Variants in STX2 observed in about 807,000 individuals in gnomAD.
STX2 encodes syntaxin-2.
Under a neutral mutation model 40.6 loss-of-function variants are expected in STX2, and 27 were observed. That is an observed-to-expected ratio of 0.66 (90% confidence interval 0.49 to 0.92). The LOEUF is 0.92. Ranked by LOEUF, STX2 falls within the 40% of genes least tolerant of loss-of-function variation. The probability of loss-of-function intolerance (pLI) is 0.00; values close to 1 mark genes in which losing one functional copy is unlikely to be tolerated. For missense variants in STX2, 328 were observed against 366.1 expected (o/e 0.90, Z 0.85); for synonymous variants, 123 against 119.1 (o/e 1.03, Z -0.22).
intron 4 of STX2, among the ~76,000 whole-genome samples, chr12:130,809,012 G>A (rs530702794): frequency 2.0e-5 from 3 of 152,264 alleles, no homozygotes; most frequent in African/African-American, 4.8e-5. Context: ...AATTACAGGC[G>A]TGTGCCACCA....
intron 1 of STX2, among the ~76,000 whole-genome samples, chr12:130,830,879 C>T (rs1952533482): frequency 6.6e-6 from 1 of 152,158 alleles, no homozygotes; most frequent in South Asian, 2.1e-4. Context: ...TACTAAAAGC[C>T]AGGGAATACT....
At chr12:130,809,686 G>A (rs529910068) in intron 4 of STX2, among the ~76,000 whole-genome samples, 4 of 152,180 alleles carry the variant, frequency 2.6e-5, no homozygotes, top group Admixed American at 6.5e-5. Flanking sequence ...GTGTGGTGGC[G>A]GGTGCCTGTA....
rs1393865464 is a variant in STX2, at chr12:130,808,740, TAAA to T, written c.281-39_281-37del. 3.9e-6 allele frequency: 6 copies of T among 1,547,092 alleles called. No homozygotes were observed. In the Admixed American group the frequency reaches 1.1e-4, roughly 29 times the overall value. ...ATAGGAAATAATTACCTTCCAAATTTAAAAATGAAAATGTTCCAAGCCTGACTT... is the reference window on the plus strand; with the variant it reads ...ATAGGAAATAATTACCTTCCAAATTTAATGAAAATGTTCCAAGCCTGACTT... On this transcript the variant is annotated intron_variant, in intron 4 of 10. Transcript: ENST00000392373.
At chr12:130,794,644 G>A (rs755224390) in intron 10 of STX2, among the ~76,000 whole-genome samples, 29 of 152,254 alleles carry the variant, frequency 1.9e-4, no homozygotes, top group African/African-American at 5.5e-4. Flanking sequence ...CTATAGGCAC[G>A]TGTGCCACCA....
At chr12:130,801,682 C>T (rs928786049) in intron 6 of STX2, among the ~76,000 whole-genome samples, 194 bp from the exon 7 acceptor site, 2 of 152,002 alleles carry the variant, frequency 1.3e-5, no homozygotes, top group East Asian at 3.9e-4. Context: ...AAAAATACTC[C>T]GAGAAACTTT....
At chr12:130,816,136 A>G (rs1215398691) in intron 3 of STX2, among the ~76,000 whole-genome samples, 2 of 152,168 alleles carry the variant, frequency 1.3e-5, no homozygotes, top group Non-Finnish European at 2.9e-5. Flanking sequence ...AGTCGAAGCT[A>G]AAACGTACAC....
At chr12:130,821,073 G>C (rs1332871763) in intron 3 of STX2, among the ~76,000 whole-genome samples, 1 of 152,202 alleles carries the variant, frequency 6.6e-6, no homozygotes, top group Non-Finnish European at 1.5e-5. Context: ...ATACCACGGG[G>C]AAGCAAATTG....
At chr12:130,795,970 G>C (rs1951016294) in intron 10 of STX2, 25 bp downstream of exon 10, 1 of 1,587,858 alleles carries the variant, frequency 6.3e-7, no homozygotes, top group Non-Finnish European at 8.5e-7. Context: ...AAGTTAATAA[G>C]TAAATTAGTT....
chr12:130,823,529 G>A lies in STX2; in HGVS notation c.106-1741C>T, dbSNP rs183654888. ...TATAAGACGAGGCAAGGGAGCCAAC[G>A]TTGGAAGAAGGACACTTGATTGTGA... is the stretch of plus-strand genomic sequence containing the variant. On this transcript the variant is annotated intron_variant, in intron 2 of 10. Transcript: ENST00000392373. Among the ~76,000 whole-genome samples the A allele has an allele frequency of 7.4e-4, 112 of 152,338 alleles. 1 individual carries two copies. Among genetic ancestry groups the A allele is most frequent in the African/African-American group, 2.6e-3 (108 of 41,578 alleles).
At chr12:130,814,034 G>T (rs558054798) in intron 3 of STX2, among the ~76,000 whole-genome samples, 3 of 152,310 alleles carry the variant, frequency 2.0e-5, no homozygotes, top group South Asian at 2.1e-4. Flanking sequence ...TACGCAGGGT[G>T]CCCCGAGTAC....
chr12:130,800,196 A>C (rs1280004819), intron 8 of STX2, among the ~76,000 whole-genome samples: 1 of 152,190 alleles, frequency 6.6e-6, no homozygotes, highest in Admixed American at 6.5e-5. Flanking sequence ...ACAAAGAGCG[A>C]GTGTGAACAT....
intron 6 of STX2, 73 bp from the exon 7 acceptor site, chr12:130,801,561 G>C: frequency 7.0e-7 from 1 of 1,435,252 alleles, no homozygotes. Flanking sequence ...GCAACCATAA[G>C]TTAGCAACTA....
chr12:130,798,659 T>A (rs773644735), intron 8 of STX2, 24 bp from the exon 9 acceptor site: 1 of 1,556,558 alleles, frequency 6.4e-7, no homozygotes, highest in Admixed American at 2.0e-5. Context: ...GTTTCAAACT[T>A]AGAAGACATT....
Position 130,820,119 on chromosome 12 carries a change from T to C in STX2, c.205+1570A>G, listed in dbSNP as rs141368526. ...TTTCCTCCAAGACCAAGAATACATG[T>C]GCCCCCATCACCACTTCTATTCAAT... On this transcript the variant is annotated intron_variant, in intron 3 of 10. Transcript: ENST00000392373. Among the ~76,000 whole-genome samples, 555 of 152,318 alleles carry C rather than the reference T, an allele frequency of 3.6e-3. 1 individual carries two copies. Among genetic ancestry groups the C allele is most frequent in the African/African-American group, 0.013 (531 of 41,570 alleles).
rs1375709580 is a variant in STX2 at position 130,803,024 on chromosome 12, G to A, written c.464-1536C>T. Among the ~76,000 whole-genome samples the A allele has an allele frequency of 4.6e-5, 7 of 152,192 alleles. No individual in the cohort carries two copies. In the East Asian group the frequency reaches 9.6e-4, roughly 21 times the overall value. On this transcript the variant is annotated intron_variant, in intron 6 of 10. Coordinates refer to ENST00000392373, the MANE Select transcript of STX2 (RefSeq NM_194356.4). ...GATAAAAGTGTTTTAAATTGATTGT[G>A]TGTGGAAATACACCAAAAACCACTG...
At chr12:130,807,402 G>A (rs1951477574) in intron 5 of STX2, among the ~76,000 whole-genome samples, 1 of 150,606 alleles carries the variant, frequency 6.6e-6, no homozygotes, top group South Asian at 2.1e-4. Flanking sequence ...CAGGCAGGTG[G>A]ACCCCAGAGC....
At chr12:130,828,967 T>C (rs796355360) in intron 1 of STX2, among the ~76,000 whole-genome samples, 93 of 152,036 alleles carry the variant, frequency 6.1e-4, no homozygotes, top group African/African-American at 2.2e-3. Flanking sequence ...TTAACACTCT[T>C]CTCCAGGATC....
In STX2 at chr12:130,828,338, A is replaced by G. The variant is rs73457316; in HGVS notation, c.31-1071T>C. Among the ~76,000 whole-genome samples the G allele has an allele frequency of 4.4e-3, 651 of 148,590 alleles. 9 individuals are homozygous for G. The highest frequency in any genetic ancestry group is 0.016 in the African/African-American group (628 of 40,412). On this transcript the variant is annotated intron_variant, in intron 1 of 10. Transcript: ENST00000392373. Reference sequence around the variant, plus strand: ...CGCCTTCTGGGTTCAAGTAATGCTTATGCCCCAACCTCCTGAATAGCTAGG... The same window carrying G: ...CGCCTTCTGGGTTCAAGTAATGCTTGTGCCCCAACCTCCTGAATAGCTAGG...
At chr12:130,828,111 AC>A (rs1952395202) in intron 1 of STX2, among the ~76,000 whole-genome samples, 1 of 152,146 alleles carries the variant, frequency 6.6e-6, no homozygotes, top group Non-Finnish European at 1.5e-5. Flanking sequence ...CCATCAGAAG[AC>A]CCTAAGGATA....
Sources: gnomAD v4.1 joint callset for allele counts (sites outside exome capture counted in the v4.1 genomes callset) on GRCh38, gnomAD v4.1.1 for gene constraint, MANE v1.5 for transcripts, NCBI Gene and HGNC (gene_info 2026-07-23, HGNC 2026-07-21) for gene names.